The following H4C15 variants were observed in gnomAD, a reference collection of about 807,000 sequenced individuals.
H4C15 encodes the protein H4 clustered histone 15, also known as histone H4.
At chr1:149,848,596 C>T in the H4C15 span, 1 of 152,210 alleles carries the variant, frequency 6.6e-6, no homozygotes, top group African/African-American at 2.4e-5. Context: ...AGTTCACTTC[C>T]TGAAATGTTA....
chr1:149,844,854 C>T, the H4C15 span: 1 of 151,464 alleles, frequency 6.6e-6, no homozygotes. Context: ...GAAACATTTT[C>T]CTGCTTTTAC....
the H4C15 span, chr1:149,844,553 A>G: frequency 1.3e-5 from 2 of 152,164 alleles, no homozygotes; most frequent in African/African-American, 4.8e-5. Context: ...ATACATTTCA[A>G]AAAGATCAAG....
At chr1:149,849,378 A>G (rs2092160040), downstream of H4C15, among the ~76,000 whole-genome samples, 1 of 152,200 alleles carries the variant, frequency 6.6e-6, no homozygotes, top group Admixed American at 6.5e-5. Context: ...TCACTGTTCC[A>G]GCCCACAACA....
the H4C15 span, chr1:149,848,712 C>G: frequency 1.3e-5 from 2 of 152,130 alleles, no homozygotes; most frequent in African/African-American, 4.8e-5. Context: ...GGGTAAAATG[C>G]GTTTCTGGGA....
At chr1:149,850,308 G>GA (rs1226590134), downstream of H4C15, 4 of 1,375,190 alleles carry the variant, frequency 2.9e-6, no homozygotes. Context: ...AAATGGCCCT[G>GA]AAAAGAGCCT....
the H4C15 span, chr1:149,845,625 GTT>G: frequency 6.6e-6 from 1 of 152,274 alleles, no homozygotes. Context: ...CCAAGGGAAA[GTT>G]TTACAGAGAT....
chr1:149,849,362 T>C (rs1029270103), downstream of H4C15, among the ~76,000 whole-genome samples: 1 of 152,208 alleles, frequency 6.6e-6, no homozygotes, highest in African/African-American at 2.4e-5. Flanking sequence ...AGACTTTAAG[T>C]CTTAATCACT....
chr1:149,847,794 A>T, the H4C15 span: 1 of 152,320 alleles, frequency 6.6e-6, no homozygotes, highest in South Asian at 2.1e-4. Flanking sequence ...AACAAGAGTG[A>T]AACTCCATCT....
downstream of H4C15, chr1:149,850,141 A>T (rs1553757548): frequency 5.4e-6 from 3 of 555,848 alleles, no homozygotes; most frequent in Non-Finnish European, 9.7e-6. Context: ...AGATACCACT[A>T]TCAATCTATG....
chr1:149,855,051 CAAAA>C (rs1225194587), downstream of H4C15, among the ~76,000 whole-genome samples: 1 of 7,436 alleles, frequency 1.3e-4, no homozygotes, highest in South Asian at 2.3e-3. Context: ...GTGTCTCTAC[CAAAA>C]AAAAAAAAAA....
chr1:149,850,245 A>G (rs1553757584), downstream of H4C15: 1 of 1,122,622 alleles, frequency 8.9e-7, no homozygotes, highest in Admixed American at 2.0e-5. Flanking sequence ...CGTGAAGCCA[A>G]AAACATCAAC....
At chr1:149,846,035 G>A in the H4C15 span, 11 of 152,198 alleles carry the variant, frequency 7.2e-5, no homozygotes, top group African/African-American at 2.4e-4. Context: ...GAAAGAGAAG[G>A]GGGTTAGGTT....
chr1:149,848,687 A>G, the H4C15 span: 1 of 152,374 alleles, frequency 6.6e-6, no homozygotes, highest in South Asian at 2.1e-4. Flanking sequence ...TAATCAGGCC[A>G]ACCCTAAGAA....
chr1:149,844,743 A>G, the H4C15 span: 1 of 151,886 alleles, frequency 6.6e-6, no homozygotes, highest in Non-Finnish European at 1.5e-5. Flanking sequence ...GCCCCACCCA[A>G]TTAAAAACAG....
chr1:149,850,262 T>G, downstream of H4C15: 1 of 1,239,954 alleles, frequency 8.1e-7, no homozygotes. Flanking sequence ...CAACTGGGAC[T>G]GACAACACAA....
chr1:149,846,160 C>T, the H4C15 span: 3 of 151,960 alleles, frequency 2.0e-5, no homozygotes, highest in Non-Finnish European at 4.4e-5. Context: ...CACACTCACT[C>T]CCCCCCGCCA....
the H4C15 span, chr1:149,846,274 T>C: frequency 6.6e-6 from 1 of 152,174 alleles, no homozygotes; most frequent in Non-Finnish European, 1.5e-5. Context: ...ATTTGGGGCA[T>C]CTCTAGACTT....
the H4C15 span, chr1:149,848,270 A>ATT: frequency 6.6e-6 from 1 of 152,170 alleles, no homozygotes; most frequent in Non-Finnish European, 1.5e-5. Flanking sequence ...CTTTCATGAA[A>ATT]GGTCTTTCCT....
At chr1:149,850,385 G>T (rs587750350), downstream of H4C15, 14 of 776,502 alleles carry the variant, frequency 1.8e-5, no homozygotes, top group Admixed American at 2.8e-4. Context: ...GCCAGGTCCC[G>T]GCAGGGACTC....
Sources: gnomAD v4.1 joint callset for allele counts (sites outside exome capture counted in the v4.1 genomes callset) on GRCh38, gnomAD v4.1.1 for gene constraint, MANE v1.5 for transcripts, NCBI Gene and HGNC (gene_info 2026-07-23, HGNC 2026-07-21) for gene names.